The following ASTN1 variants were observed in gnomAD, a reference collection of about 807,000 sequenced individuals.
ASTN1 encodes astrotactin 1, also known as astrotactin-1.
A neutral mutation model predicts 140.7 loss-of-function variants in ASTN1; 41 were observed. The observed-to-expected ratio is 0.29, with a 90% confidence interval of 0.23 to 0.38. The LOEUF is 0.38. Ranked by LOEUF, ASTN1 falls within the 10% of genes least tolerant of loss-of-function variation. The probability of loss-of-function intolerance (pLI) is 1.00; values close to 1 mark genes in which losing one functional copy is unlikely to be tolerated. For synonymous variants in ASTN1, 640 were observed against 652.2 expected, an observed-to-expected ratio of 0.98 and a Z score of 0.29; for missense variants, 1,479 against 1,678.8, an observed-to-expected ratio of 0.88 and a Z score of 2.08.
intron 1 of ASTN1, among the ~76,000 whole-genome samples, chr1:177,099,067 C>T (rs1307501513): frequency 2.0e-5 from 3 of 152,188 alleles, no homozygotes; most frequent in Non-Finnish European, 2.9e-5. Context: ...ATGAATAATA[C>T]ATATACTACT....
intron 16 of ASTN1, among the ~76,000 whole-genome samples, chr1:176,918,870 C>A (rs1398746252): frequency 3.9e-5 from 6 of 152,152 alleles, no homozygotes; most frequent in African/African-American, 1.4e-4. Context: ...TCCAGCCAGG[C>A]CCCTGTTCCC....
intron 1 of ASTN1, among the ~76,000 whole-genome samples, chr1:177,099,250 T>C (rs917964101): frequency 2.0e-5 from 3 of 152,178 alleles, no homozygotes; most frequent in Non-Finnish European, 4.4e-5. Flanking sequence ...ACCAGCTTTT[T>C]AATATAATTA....
intron 16 of ASTN1, among the ~76,000 whole-genome samples, chr1:176,923,846 A>G (rs1242766984): frequency 6.6e-6 from 1 of 152,202 alleles, no homozygotes; most frequent in African/African-American, 2.4e-5. Context: ...TGAAAACTCC[A>G]ATGATGTCAA....
At chr1:177,120,448 G>C (rs1467484530) in intron 1 of ASTN1, among the ~76,000 whole-genome samples, 1 of 152,116 alleles carries the variant, frequency 6.6e-6, no homozygotes, top group Non-Finnish European at 1.5e-5. Context: ...TTCACACAAA[G>C]CTAAAAATCC....
chr1:176,889,734 C>T (rs908340252), intron 17 of ASTN1, among the ~76,000 whole-genome samples: 1 of 152,142 alleles, frequency 6.6e-6, no homozygotes. Flanking sequence ...CTTTTTGATG[C>T]TAACACTTTG....
intron 1 of ASTN1, among the ~76,000 whole-genome samples, chr1:177,094,977 T>C (rs550217977): frequency 3.6e-4 from 55 of 152,278 alleles, no homozygotes; most frequent in African/African-American, 1.2e-3. Context: ...AAACATGTTA[T>C]TGGAAATTGG....
intron 8 of ASTN1, among the ~76,000 whole-genome samples, chr1:176,982,375 A>T (rs1427806512): frequency 6.6e-6 from 1 of 152,188 alleles, no homozygotes; most frequent in East Asian, 1.9e-4. Flanking sequence ...GGGATGGCTT[A>T]TTGGACGCCT....
intron 1 of ASTN1, among the ~76,000 whole-genome samples, chr1:177,078,328 C>T (rs1462867077): frequency 6.6e-6 from 1 of 152,152 alleles, no homozygotes; most frequent in Non-Finnish European, 1.5e-5. Flanking sequence ...GACCTGTCCT[C>T]ACAAACATTT....
intron 7 of ASTN1, among the ~76,000 whole-genome samples, chr1:177,016,439 G>A (rs1207722071): frequency 6.6e-6 from 1 of 152,122 alleles, no homozygotes; most frequent in Non-Finnish European, 1.5e-5. Context: ...CAGTGGTACT[G>A]AGCTATATCT....
intron 8 of ASTN1, among the ~76,000 whole-genome samples, chr1:176,988,591 T>C (rs1674018945): frequency 6.6e-6 from 1 of 152,214 alleles, no homozygotes; most frequent in Non-Finnish European, 1.5e-5. Flanking sequence ...TGATGTTAAT[T>C]CTACCCTTGA....
intron 2 of ASTN1, among the ~76,000 whole-genome samples, chr1:177,038,739 T>C (rs1008323325): frequency 2.6e-5 from 4 of 152,186 alleles, no homozygotes; most frequent in Admixed American, 2.0e-4. Context: ...ATGAAGATAA[T>C]GCGGTGAATA....
chr1:176,966,493 C>T (rs1167578021), intron 8 of ASTN1, among the ~76,000 whole-genome samples: 2 of 152,264 alleles, frequency 1.3e-5, no homozygotes, highest in East Asian at 3.9e-4. Flanking sequence ...TTTTGAAAAC[C>T]TGCTTCTAAT....
intron 16 of ASTN1, among the ~76,000 whole-genome samples, chr1:176,902,656 T>C (rs987943658): frequency 2.0e-5 from 3 of 152,168 alleles, no homozygotes; most frequent in Non-Finnish European, 4.4e-5. Context: ...TGCTCAGTAA[T>C]GGTCAGTTCC....
chr1:177,154,560 A>G (rs1375148342), intron 1 of ASTN1, among the ~76,000 whole-genome samples: 1 of 152,086 alleles, frequency 6.6e-6, no homozygotes, highest in African/African-American at 2.4e-5. Context: ...TCTTAAAAAT[A>G]TAGTGCTGAG....
chr1:177,164,539 G>C lies in ASTN1; in HGVS notation c.138C>G (p.Pro46=), dbSNP rs769098657. The change falls in exon 1 of 23, where the codon CCC becomes CCG. Residue 46 remains proline, a synonymous_variant. Coordinates refer to ENST00000361833, the MANE Select transcript of ASTN1 (RefSeq NM_004319.3). Reference sequence around the variant, plus strand: ...TGCTCAGGTCGTTCTCGCGCAGGAAGGGCAGTGCCGACACCGTGATGCTTT... The same window carrying C: ...TGCTCAGGTCGTTCTCGCGCAGGAACGGCAGTGCCGACACCGTGATGCTTT... ...KLKSITVSAL[P]FLRENDLSIM... is the part of the protein sequence containing the mutation. The C allele has an allele frequency of 6.2e-7, 1 of 1,613,956 alleles. No individual in the cohort carries two copies. Among genetic ancestry groups the C allele is most frequent in the South Asian group, 1.1e-5 (1 of 91,070 alleles).
At chr1:177,012,258 G>A (rs956008119) in intron 8 of ASTN1, among the ~76,000 whole-genome samples, 6 of 152,190 alleles carry the variant, frequency 3.9e-5, no homozygotes, top group South Asian at 2.1e-4. Context: ...ACATGGCATC[G>A]GATCCCTGAT....
At chr1:177,018,618 C>A (rs542094208) in intron 7 of ASTN1, among the ~76,000 whole-genome samples, 7 of 152,238 alleles carry the variant, frequency 4.6e-5, no homozygotes, top group African/African-American at 1.7e-4. Context: ...AGCTACATAT[C>A]TTGAAAAGGG....
At chr1:177,065,016 T>C (rs915248292) in intron 1 of ASTN1, among the ~76,000 whole-genome samples, 7 of 152,156 alleles carry the variant, frequency 4.6e-5, no homozygotes, top group Non-Finnish European at 2.9e-5. Flanking sequence ...TGCTCAGAAA[T>C]TGCTTTACCA....
chr1:177,124,889 A>T (rs746588315), intron 1 of ASTN1, among the ~76,000 whole-genome samples: 1 of 152,198 alleles, frequency 6.6e-6, no homozygotes, highest in African/African-American at 2.4e-5. Context: ...GCTGCCTACT[A>T]TCTCAAGTCT....
Sources: gnomAD v4.1 joint callset for allele counts (sites outside exome capture counted in the v4.1 genomes callset) on GRCh38, gnomAD v4.1.1 for gene constraint, MANE v1.5 for transcripts, NCBI Gene and HGNC (gene_info 2026-07-23, HGNC 2026-07-21) for gene names.